The following USP12 variants were observed in gnomAD, a reference collection of about 807,000 sequenced individuals.
USP12 encodes ubiquitin carboxyl-terminal hydrolase 12.
USP12 carries 19 observed loss-of-function variants against 45.5 expected under a neutral mutation model. The ratio of observed to expected loss-of-function variants is 0.42; its 90% CI spans 0.29 to 0.61. USP12 has a LOEUF of 0.61. Among genes scored for constraint, USP12 ranks in the 20% least tolerant of loss-of-function variants. The pLI is 0.22. For synonymous variants in USP12, 149 were observed against 148.8 expected, an observed-to-expected ratio of 1.00 and a Z score of -0.01; for missense variants, 242 against 447.7, an observed-to-expected ratio of 0.54 and a Z score of 4.15.
intron 1 of USP12, among the ~76,000 whole-genome samples, chr13:27,127,371 G>C (rs1052164887): frequency 2.6e-5 from 4 of 152,174 alleles, no homozygotes; most frequent in African/African-American, 9.7e-5. Flanking sequence ...AGGGAACAGA[G>C]AGGTTCAGCT....
At chr13:27,152,785 A>T (rs1877632972) in intron 1 of USP12, among the ~76,000 whole-genome samples, 1 of 151,994 alleles carries the variant, frequency 6.6e-6, no homozygotes, top group South Asian at 2.1e-4. Flanking sequence ...TACTAAAAAT[A>T]CAAAAAATTA....
chr13:27,066,279 T>C lies in USP12; in HGVS notation c.*3004A>G, dbSNP rs1448949986. The C allele has an allele frequency of 6.6e-6, 1 of 152,270 alleles. No individual in the cohort carries two copies. The highest frequency in any genetic ancestry group is 2.4e-5 in the African/African-American group (1 of 41,434). 9.4% of individuals were successfully genotyped at this position (152,270 alleles called of 1,614,324 possible). Reference sequence around the variant, plus strand: ...CACAACAACCCTGTGAGGTAGGTATTACTCCCATTTTACAAGACAGGGAGA... The same window carrying C: ...CACAACAACCCTGTGAGGTAGGTATCACTCCCATTTTACAAGACAGGGAGA... On this transcript the variant is annotated 3_prime_UTR_variant, in exon 9 of 9. Transcript: ENST00000282344.
intron 3 of USP12, among the ~76,000 whole-genome samples, chr13:27,104,891 T>C (rs1483133008): frequency 6.6e-6 from 1 of 152,224 alleles, no homozygotes; most frequent in Non-Finnish European, 1.5e-5. Flanking sequence ...CAATTTTCTT[T>C]CTACAATGAT....
intron 2 of USP12, among the ~76,000 whole-genome samples, chr13:27,113,763 T>A (rs906399087): frequency 2.6e-5 from 4 of 152,202 alleles, no homozygotes; most frequent in African/African-American, 9.7e-5. Flanking sequence ...CCAGGTTTGA[T>A]ATGGATATTT....
At chr13:27,091,283 A>G (rs1874302338) in intron 4 of USP12, among the ~76,000 whole-genome samples, 1 of 152,230 alleles carries the variant, frequency 6.6e-6, no homozygotes, top group African/African-American at 2.4e-5. Flanking sequence ...TTTACATGTA[A>G]GCTACAGAGA....
chr13:27,127,930 C>T (rs1876316592), intron 1 of USP12, among the ~76,000 whole-genome samples: 1 of 152,178 alleles, frequency 6.6e-6, no homozygotes, highest in Non-Finnish European at 1.5e-5. Context: ...AACCAACAGG[C>T]ATGTAATTTT....
chr13:27,152,295 C>A (rs1170843968), intron 1 of USP12, among the ~76,000 whole-genome samples: 1 of 152,082 alleles, frequency 6.6e-6, no homozygotes, highest in African/African-American at 2.4e-5. Flanking sequence ...AATATTTGTC[C>A]ATTAAAAGCA....
chr13:27,105,861 C>T lies in USP12; in HGVS notation c.213G>A (p.Lys71=). 6.2e-7 allele frequency: 1 copy of T among 1,613,736 alleles called. No homozygotes were observed. Among genetic ancestry groups the T allele is most frequent in the East Asian group, 2.2e-5 (1 of 44,858 alleles). The change falls in exon 3 of 9, where the codon AAG becomes AAA. Residue 71 remains lysine, a synonymous_variant. Transcript: ENST00000282344. ...GGCTCTCCTTTTTCCTAGGTTGACTCTTATACGCAAGAACTTTTTCCCGAA... is the reference window on the plus strand; with the variant it reads ...GGCTCTCCTTTTTCCTAGGTTGACTTTTATACGCAAGAACTTTTTCCCGAA... The part of the protein sequence containing the change: ...RPFREKVLAY[K]SQPRKKESLL...
chr13:27,150,791 C>A (rs187020072), intron 1 of USP12, among the ~76,000 whole-genome samples: 3 of 152,308 alleles, frequency 2.0e-5, no homozygotes, highest in Admixed American at 2.0e-4. Flanking sequence ...AGAGTGCCAA[C>A]TCCAAAAGAC....
rs754642226 is a variant in USP12 at position 27,071,157 on chromosome 13, A to C, written c.933-8T>G. 1 of 1,587,856 alleles carries C rather than the reference A, an allele frequency of 6.3e-7. No homozygotes were observed. The highest frequency in any genetic ancestry group is 1.2e-5 in the South Asian group (1 of 84,318). Reference sequence around the variant, plus strand: ...TGGCCTCGATTGGGACCACTAAAACAAACGAAGAAGAAGTTAATTCAATAT... The same window carrying C: ...TGGCCTCGATTGGGACCACTAAAACCAACGAAGAAGAAGTTAATTCAATAT... On this transcript the variant is annotated splice_region_variant and splice_polypyrimidine_tract_variant and intron_variant, in intron 7 of 8. Coordinates refer to ENST00000282344, the MANE Select transcript of USP12 (RefSeq NM_182488.4).
At chr13:27,152,406 A>G (rs866638535) in intron 1 of USP12, among the ~76,000 whole-genome samples, 25 of 152,196 alleles carry the variant, frequency 1.6e-4, no homozygotes, top group African/African-American at 5.8e-4. Context: ...TCCACATACC[A>G]AAGTCCAAAG....
At chr13:27,073,259 G>T (rs886160678) in intron 7 of USP12, among the ~76,000 whole-genome samples, 2 of 152,200 alleles carry the variant, frequency 1.3e-5, no homozygotes, top group African/African-American at 4.8e-5. Context: ...ACTCCATCAG[G>T]AGAGAGTTCC....
chr13:27,128,761 T>G (rs1441054139), intron 1 of USP12, among the ~76,000 whole-genome samples: 1 of 152,246 alleles, frequency 6.6e-6, no homozygotes, highest in East Asian at 1.9e-4. Context: ...GGATAACAGA[T>G]TTCTGTGATT....
rs1375068486 is a variant in USP12 at position 27,145,944 on chromosome 13, T to C, written c.48+25648A>G. Among the ~76,000 whole-genome samples, 4 of 152,308 alleles carry C rather than the reference T, an allele frequency of 2.6e-5. No homozygotes were observed. In the East Asian group the frequency reaches 5.8e-4, roughly 22 times the overall value. On this transcript the variant is annotated intron_variant, in intron 1 of 8. Coordinates refer to ENST00000282344, the MANE Select transcript of USP12 (RefSeq NM_182488.4). Reference sequence around the variant, plus strand: ...GATCCAGATTTTGTTTTAAAAATCATGTTTGCCATAAACAAACTGAGGGCA... The same window carrying C: ...GATCCAGATTTTGTTTTAAAAATCACGTTTGCCATAAACAAACTGAGGGCA...
At chr13:27,157,986 A>C (rs549525493) in intron 1 of USP12, among the ~76,000 whole-genome samples, 1 of 152,350 alleles carries the variant, frequency 6.6e-6, no homozygotes, top group East Asian at 1.9e-4. Flanking sequence ...ATATTCCTTG[A>C]CATTAATTGC....
intron 6 of USP12, among the ~76,000 whole-genome samples, chr13:27,085,989 G>A (rs1873993093): frequency 2.0e-5 from 3 of 151,472 alleles, no homozygotes; most frequent in East Asian, 1.9e-4. Context: ...AACATAGCAA[G>A]AGCCCGTCTA....
intron 1 of USP12, among the ~76,000 whole-genome samples, chr13:27,141,141 G>A (rs565435611): frequency 5.4e-5 from 8 of 148,322 alleles, no homozygotes; most frequent in Non-Finnish European, 1.0e-4. Flanking sequence ...CCAGCCTCCC[G>A]AGTAGCTGGG....
chr13:27,156,114 C>T (rs768459329), intron 1 of USP12, among the ~76,000 whole-genome samples: 1 of 151,758 alleles, frequency 6.6e-6, no homozygotes, highest in Admixed American at 6.6e-5. Flanking sequence ...GTCATTCTGA[C>T]AATGCCAGCC....
At chr13:27,119,307 C>T (rs924972685) in intron 1 of USP12, among the ~76,000 whole-genome samples, 3 of 152,108 alleles carry the variant, frequency 2.0e-5, no homozygotes, top group Non-Finnish European at 2.9e-5. Flanking sequence ...ATGAAGCGGC[C>T]CCCAGAGGTA....
Sources: allele counts gnomAD v4.1 joint callset (sites outside exome capture counted in the v4.1 genomes callset), GRCh38; gene constraint gnomAD v4.1.1; transcripts MANE v1.5; gene names NCBI Gene and HGNC (gene_info 2026-07-23, HGNC 2026-07-21).